The following FAAH2 variants were observed in gnomAD, a reference collection of about 807,000 sequenced individuals.
FAAH2 encodes the protein fatty-acid amide hydrolase 2.
In FAAH2, 60 loss-of-function variants were observed where a neutral mutation model predicts 36.9. The observed-to-expected ratio is 1.63, with a 90% CI of 1.32 to 2.02. The LOEUF (loss-of-function observed/expected upper bound fraction) is 2.02. Ranked by LOEUF, FAAH2 falls within the 30% of genes most tolerant of loss-of-function variation. The pLI is 0.00. For synonymous variants in FAAH2, 214 were observed against 143.8 expected, an observed-to-expected ratio of 1.49 and a Z score of -3.49; for missense variants, 689 against 397.5, an observed-to-expected ratio of 1.73 and a Z score of -6.23.
chrX:57,346,337 C>A (rs2053821326), intron 5 of FAAH2, among the ~76,000 whole-genome samples: 1 of 111,573 alleles, frequency 9.0e-6, no homozygotes, highest in South Asian at 3.7e-4. Context: ...ATAATTCAGT[C>A]TTCTTGTTGA....
chrX:57,402,350 G>T (rs889603191), intron 7 of FAAH2, among the ~76,000 whole-genome samples: 4 of 112,034 alleles, frequency 3.6e-5, no homozygotes, highest in Admixed American at 2.8e-4. Flanking sequence ...CACTCAATTT[G>T]CCCAGCTTTT....
At chrX:57,456,231 A>T (rs1416213099) in intron 10 of FAAH2, among the ~76,000 whole-genome samples, 1 of 112,226 alleles carries the variant, frequency 8.9e-6, no homozygotes, top group Non-Finnish European at 1.9e-5. Context: ...GACAGTAATT[A>T]AAAATTACTT....
At chrX:57,178,435 A>G in the FAAH2 span, among the ~76,000 whole-genome samples, 1 of 111,743 alleles carries the variant, frequency 8.9e-6, no homozygotes, top group Non-Finnish European at 1.9e-5. Context: ...CAGTGGTAGC[A>G]GTGGTATTTG....
the FAAH2 span, among the ~76,000 whole-genome samples, chrX:57,158,440 T>C: frequency 8.9e-6 from 1 of 112,082 alleles, no homozygotes; most frequent in Admixed American, 9.4e-5. Flanking sequence ...TCCACAATGG[T>C]TGGACTAGTT....
At chrX:57,242,635 C>T in the FAAH2 span, among the ~76,000 whole-genome samples, 1 of 111,677 alleles carries the variant, frequency 9.0e-6, no homozygotes, top group African/African-American at 3.3e-5. Flanking sequence ...GGGGCATCAC[C>T]TCACCCAGGA....
At chrX:57,162,397 A>T in the FAAH2 span, among the ~76,000 whole-genome samples, 116 of 111,300 alleles carry the variant, frequency 1.0e-3, no homozygotes, top group Middle Eastern at 4.7e-3. Flanking sequence ...CCTGTATCTG[A>T]ATGTTGGCCT....
the FAAH2 span, among the ~76,000 whole-genome samples, chrX:57,249,147 G>A: frequency 9.0e-6 from 1 of 111,478 alleles, no homozygotes; most frequent in Non-Finnish European, 1.9e-5. Flanking sequence ...TGAGTTTGGA[G>A]CCAAAGAATG....
At chrX:57,138,409 A>G in the FAAH2 span, among the ~76,000 whole-genome samples, 1 of 109,893 alleles carries the variant, frequency 9.1e-6, no homozygotes, top group African/African-American at 3.3e-5. Flanking sequence ...CTATGGTGGA[A>G]TAATATTTTA....
At chrX:57,432,094 T>A in intron 8 of FAAH2, 57 bp downstream of exon 8, 1 of 1,015,202 alleles carries the variant, frequency 9.9e-7, no homozygotes, top group Non-Finnish European at 1.3e-6. Context: ...TTATTGAGCT[T>A]CTATTGTGGT....
intron 2 of FAAH2, among the ~76,000 whole-genome samples, chrX:57,300,553 G>C (rs1408529099): frequency 1.8e-5 from 2 of 111,653 alleles, no homozygotes; most frequent in Admixed American, 9.5e-5. Context: ...GCATGGACAA[G>C]GACTTCATGT....
chrX:57,221,346 C>T, the FAAH2 span, among the ~76,000 whole-genome samples: 56 of 111,508 alleles, frequency 5.0e-4, no homozygotes, highest in African/African-American at 1.7e-3. Context: ...TTTCTTGTCC[C>T]CCATCTGTAG....
rs190328910 is a variant in FAAH2, at chrX:57,381,932, A to T, written c.996+903A>T. Among the ~76,000 whole-genome samples the T allele has an allele frequency of 3.8e-3, 428 of 111,217 alleles. 2 individuals carry two copies. Among genetic ancestry groups the T allele is most frequent in the African/African-American group, 0.014 (413 of 30,562 alleles). On this transcript the variant is annotated intron_variant, in intron 7 of 10. Transcript: ENST00000374900. Reference sequence around the variant, plus strand: ...TTGACCACATAGTTGGATGTAAAGCACTCCTCAGCAAACGTAAAAGAACAG... The same window carrying T: ...TTGACCACATAGTTGGATGTAAAGCTCTCCTCAGCAAACGTAAAAGAACAG...
chrX:57,194,849 T>G, the FAAH2 span, among the ~76,000 whole-genome samples: 1 of 111,811 alleles, frequency 8.9e-6, no homozygotes, highest in African/African-American at 3.3e-5. Flanking sequence ...CATTTTCCAT[T>G]CCTGAGTTAC....
chrX:57,411,452 G>A (rs1020355478), intron 7 of FAAH2, among the ~76,000 whole-genome samples: 33 of 110,787 alleles, frequency 3.0e-4, no homozygotes, highest in Admixed American at 3.0e-3. Flanking sequence ...TGTTGGCTGC[G>A]TGTGGGGTCC....
intron 5 of FAAH2, among the ~76,000 whole-genome samples, chrX:57,362,238 A>G (rs1436552183): frequency 9.0e-6 from 1 of 111,512 alleles, no homozygotes; most frequent in African/African-American, 3.3e-5. Flanking sequence ...CATTCTCAGC[A>G]AAATAACAGA....
chrX:57,319,960 C>T (rs550653052), intron 3 of FAAH2, among the ~76,000 whole-genome samples: 6 of 111,669 alleles, frequency 5.4e-5, no homozygotes, highest in South Asian at 3.8e-4. Flanking sequence ...AAATGACTAG[C>T]CATATGCAGA....
chrX:57,168,834 A>G, the FAAH2 span, among the ~76,000 whole-genome samples: 1 of 112,451 alleles, frequency 8.9e-6, no homozygotes, highest in Non-Finnish European at 1.9e-5. Context: ...TGTAAATACT[A>G]AAGTGTAATC....
chrX:57,347,519 C>T (rs771755681), intron 5 of FAAH2, among the ~76,000 whole-genome samples: 1 of 108,284 alleles, frequency 9.2e-6, no homozygotes, highest in African/African-American at 3.4e-5. Flanking sequence ...TCCTGAATCT[C>T]GATGAGTTTT....
chrX:57,370,427 A>G (rs779484868), intron 5 of FAAH2, among the ~76,000 whole-genome samples: 14 of 111,638 alleles, frequency 1.3e-4, no homozygotes, highest in Non-Finnish European at 2.1e-4. Flanking sequence ...AAAGGATATA[A>G]CAATTGTTAA....
Sources: allele counts gnomAD v4.1 joint callset (sites outside exome capture counted in the v4.1 genomes callset), GRCh38; gene constraint gnomAD v4.1.1; transcripts MANE v1.5; gene names NCBI Gene and HGNC (gene_info 2026-07-23, HGNC 2026-07-21).